Variants in ITGA8 observed in about 807,000 individuals in gnomAD.
ITGA8 encodes integrin subunit alpha 8, also known as integrin alpha-8.
Under a neutral mutation model 142.3 loss-of-function variants are expected in ITGA8, and 91 were observed. The ratio of observed to expected loss-of-function variants is 0.64; its 90% CI spans 0.54 to 0.76. The LOEUF (loss-of-function observed/expected upper bound fraction) is 0.76. Among genes scored for constraint, ITGA8 ranks in the 30% least tolerant of loss-of-function variants. ITGA8 has a pLI of 0.00. For synonymous variants in ITGA8, 505 were observed against 485.2 expected (o/e 1.04, Z -0.54); for missense variants, 1,406 against 1,327.7 (o/e 1.06, Z -0.92).
chr10:15,715,919 C>G (rs912936611), intron 2 of ITGA8, among the ~76,000 whole-genome samples: 3 of 152,224 alleles, frequency 2.0e-5, no homozygotes, highest in Admixed American at 6.5e-5. Flanking sequence ...CACTTGGTAG[C>G]AAACACCTGA....
chr10:15,533,890 T>A (rs1833363371), intron 27 of ITGA8, among the ~76,000 whole-genome samples: 1 of 151,638 alleles, frequency 6.6e-6, no homozygotes, highest in Non-Finnish European at 1.5e-5. Flanking sequence ...TTTCTCATAT[T>A]TTCCATTCAT....
intron 13 of ITGA8, among the ~76,000 whole-genome samples, chr10:15,641,117 G>A (rs1376689): frequency 0.67 from 102,068 of 152,012 alleles, 35,987 homozygotes; most frequent in South Asian, 0.86. Context: ...GCAGTGGCGC[G>A]ATATCGGCTC....
intron 16 of ITGA8, 152 bp downstream of exon 16, chr10:15,608,083 G>A: frequency 1.5e-6 from 1 of 659,552 alleles, no homozygotes; most frequent in Non-Finnish European, 2.6e-6. Context: ...ACCAAGTATT[G>A]AAGTAATATT....
At chr10:15,671,521 A>T in intron 8 of ITGA8, 82 bp downstream of exon 8, 1 of 1,131,964 alleles carries the variant, frequency 8.8e-7, no homozygotes, top group Non-Finnish European at 1.3e-6. Context: ...AAATAAAATC[A>T]CATTGATAGA....
At position 15,592,204 on chromosome 10, in the gene ITGA8, A is replaced by G. The variant is rs9333175; in HGVS notation, c.2291+21T>C. On this transcript the variant is annotated intron_variant, in intron 22 of 29. Transcript: ENST00000378076. ...TTTTCTTTTGACTGCTGTCAACGAT[A>G]TAGGCATGTAAAGGTCTAACCTTCT... The G allele has an allele frequency of 1.6e-3, 2,489 of 1,567,808 alleles. 36 individuals are homozygous for G. The African/African-American group carries it at 0.03, about 19-fold the overall frequency.
At position 15,621,169 on chromosome 10, in the gene ITGA8, C is replaced by CTTT. The variant is rs11417286; in HGVS notation, c.1400-4613_1400-4611dup. Among the ~76,000 whole-genome samples the CTTT allele has an allele frequency of 3.8e-3, 540 of 142,768 alleles. 4 individuals carry two copies. The highest frequency in any genetic ancestry group is 0.013 in the African/African-American group (514 of 39,270). The allele number at this position is 142,768 out of a possible 152,430, so 93.7% of individuals were successfully genotyped here. A position where few individuals can be genotyped will look rare whatever the true frequency, so the allele number is the denominator to read the frequency against. On this transcript the variant is annotated intron_variant, in intron 13 of 29. Transcript: ENST00000378076. ...CTCTATACATAGACACTTAAGCTGG[C>CTTT]TTTTTTTTTTTTTCCTGGAGGAAAT...
At chr10:15,541,000 C>T (rs1306730779) in intron 27 of ITGA8, among the ~76,000 whole-genome samples, 1 of 152,200 alleles carries the variant, frequency 6.6e-6, no homozygotes, top group East Asian at 1.9e-4. Context: ...CTAGAGAGTT[C>T]TGAATAACTT....
At chr10:15,625,244 C>A (rs1197855478) in intron 13 of ITGA8, among the ~76,000 whole-genome samples, 1 of 152,126 alleles carries the variant, frequency 6.6e-6, no homozygotes, top group African/African-American at 2.4e-5. Context: ...TTAAAACAAT[C>A]CCACAAAAAA....
chr10:15,616,692 C>T, intron 13 of ITGA8, 133 bp from the exon 14 acceptor site: 1 of 745,550 alleles, frequency 1.3e-6, no homozygotes, highest in Non-Finnish European at 2.3e-6. Flanking sequence ...GAAGAGAAAT[C>T]ACACCTTTCT....
At chr10:15,622,216 C>A (rs980373852) in intron 13 of ITGA8, among the ~76,000 whole-genome samples, 1 of 152,036 alleles carries the variant, frequency 6.6e-6, no homozygotes, top group African/African-American at 2.4e-5. Flanking sequence ...TTCAGGGGAG[C>A]AGTCTCTGTG....
rs777871225 is a variant in ITGA8 at position 15,646,967 on chromosome 10, C to T, written c.1086G>A (p.Leu362=). The part of the protein sequence containing the change: ...SNPREVGQIY[L]YLQVSSLLFR... ...AGAGGAGAGAGCTCACTTGCAAATA[C>T]AGGTAGATTTGCCCTACTTCTCTGG... is the stretch of plus-strand genomic sequence containing the variant. The change falls in exon 12 of 30, where the codon CTG becomes CTA. Residue 362 remains leucine (L), a synonymous_variant. Coordinates refer to ENST00000378076, the MANE Select transcript of ITGA8 (RefSeq NM_003638.3). The T allele has an allele frequency of 1.5e-5, 25 of 1,613,976 alleles. No homozygotes were observed. The highest frequency in any genetic ancestry group is 2.1e-5 in the Non-Finnish European group (25 of 1,179,908).
chr10:15,664,124 A>G (rs1338932547), intron 8 of ITGA8, among the ~76,000 whole-genome samples: 6 of 152,162 alleles, frequency 3.9e-5, no homozygotes, highest in Non-Finnish European at 8.8e-5. Context: ...GAGGTAGACA[A>G]TACTATTAGC....
chr10:15,704,968 A>C (rs1403085656), intron 2 of ITGA8, among the ~76,000 whole-genome samples: 1 of 150,832 alleles, frequency 6.6e-6, no homozygotes, highest in Non-Finnish European at 1.5e-5. Context: ...CCATTCACCT[A>C]ACAGAACAGT....
intron 2 of ITGA8, among the ~76,000 whole-genome samples, chr10:15,692,231 C>G (rs574055107): frequency 7.9e-5 from 12 of 151,910 alleles, no homozygotes; most frequent in Non-Finnish European, 1.3e-4. Context: ...CTGTACCCAG[C>G]CTTATACAGT....
intron 2 of ITGA8, among the ~76,000 whole-genome samples, chr10:15,713,406 C>T (rs1294577116): frequency 6.6e-6 from 1 of 152,146 alleles, no homozygotes; most frequent in Non-Finnish European, 1.5e-5. Context: ...AGGAGGTTAT[C>T]TTTGGGCTTC....
At chr10:15,670,306 C>T (rs1243267860) in intron 8 of ITGA8, among the ~76,000 whole-genome samples, 1 of 152,118 alleles carries the variant, frequency 6.6e-6, no homozygotes, top group Non-Finnish European at 1.5e-5. Flanking sequence ...CTAAGTATTC[C>T]TCATGCATTA....
intron 26 of ITGA8, 47 bp from the exon 27 acceptor site, chr10:15,548,615 A>G (rs753715036): frequency 8.4e-7 from 1 of 1,189,926 alleles, no homozygotes; most frequent in Non-Finnish European, 1.2e-6. Flanking sequence ...ATCATGGTAG[A>G]GACTGAACAC....
At chr10:15,605,073 T>C (rs1424371082) in intron 19 of ITGA8, among the ~76,000 whole-genome samples, 1 of 152,114 alleles carries the variant, frequency 6.6e-6, no homozygotes. Flanking sequence ...TTCCAAACAC[T>C]GGCAGTGAGA....
chr10:15,636,999 G>T (rs1339554361), intron 13 of ITGA8, among the ~76,000 whole-genome samples: 1 of 152,114 alleles, frequency 6.6e-6, no homozygotes, highest in Non-Finnish European at 1.5e-5. Context: ...ACAAAAATTA[G>T]CTGGGCGTGG....
Sources: allele counts gnomAD v4.1 joint callset (sites outside exome capture counted in the v4.1 genomes callset), GRCh38; gene constraint gnomAD v4.1.1; transcripts MANE v1.5; gene names NCBI Gene and HGNC (gene_info 2026-07-23, HGNC 2026-07-21).